TSHR: variants seen among roughly 807,000 people sequenced by gnomAD.
TSHR encodes the protein thyroid stimulating hormone receptor.
In TSHR, 51 loss-of-function variants were observed where a neutral mutation model predicts 64.1. The ratio of observed to expected loss-of-function variants is 0.80; its 90% CI spans 0.64 to 1.01. The LOEUF (loss-of-function observed/expected upper bound fraction) is 1.01. Ranked by LOEUF, TSHR falls within the 50% of genes least tolerant of loss-of-function variation. The pLI, the probability that TSHR is intolerant of heterozygous loss-of-function variation, is 0.00. For missense variants in TSHR, 877 were observed against 942.8 expected, an observed-to-expected ratio of 0.93 and a Z score of 0.91; for synonymous variants, 361 against 361.9, an observed-to-expected ratio of 1.00 and a Z score of 0.03.
At chr14:81,068,351 C>T (rs1388646675) in intron 3 of TSHR, 23 bp downstream of exon 3, 1 of 1,609,418 alleles carries the variant, frequency 6.2e-7, no homozygotes, top group South Asian at 1.1e-5. Context: ...AAAAGTGCAG[C>T]ATAGACCTAA....
At chr14:81,050,819 T>A (rs915684592) in intron 1 of TSHR, 4 of 152,246 alleles carry the variant, frequency 2.6e-5, no homozygotes, top group Admixed American at 6.5e-5. Context: ...TTCTTTGTGA[T>A]GAGAACACTT....
At position 81,143,098 on chromosome 14, in the gene TSHR, AT is replaced by A; in HGVS notation, c.1041del (p.His347GlnfsTer65). ...GAAAAGTCCAAGTTCCAGGATACTCATAACAACGCTCATTATTACGTCTTCT... is the reference window on the plus strand; with the variant it reads ...GAAAAGTCCAAGTTCCAGGATACTCAAACAACGCTCATTATTACGTCTTCT... ...YKEKSKFQDT[H>X]NNAHYYVFFE... On this transcript the variant is annotated frameshift_variant, in exon 10 of 10. Coordinates refer to ENST00000298171, the MANE Select transcript of TSHR (RefSeq NM_000369.5). LOFTEE classifies it high-confidence loss of function. 6.2e-7 allele frequency: 1 copy of A among 1,614,216 alleles called. No homozygotes were observed. The highest frequency in any genetic ancestry group is 8.5e-7 in the Non-Finnish European group (1 of 1,180,040).
rs149634104 is a variant in TSHR, at chr14:81,030,969, CACA to C, written c.171-31174_171-31172del. On this transcript the variant is annotated intron_variant, in intron 1 of 9. Transcript: ENST00000298171. ...TTTTAATGCCTTTTACATATAAAATCACAACAAGATAAGACTTTAGACCTCTCT... is the reference window on the plus strand; with the variant it reads ...TTTTAATGCCTTTTACATATAAAATCACAAGATAAGACTTTAGACCTCTCT... Among the ~76,000 whole-genome samples the C allele has an allele frequency of 1.9e-3, 294 of 152,180 alleles. 1 individual carries two copies. Among genetic ancestry groups the C allele is most frequent in the Middle Eastern group, 0.01 (3 of 294 alleles).
chr14:80,972,885 T>C (rs1435356109), intron 1 of TSHR, among the ~76,000 whole-genome samples: 1 of 152,190 alleles, frequency 6.6e-6, no homozygotes, highest in Non-Finnish European at 1.5e-5. Flanking sequence ...TGTATCTGAC[T>C]GCTTTCACTT....
chr14:81,001,433 A>G, intron 1 of TSHR: 3 of 469,614 alleles, frequency 6.4e-6, no homozygotes, highest in Non-Finnish European at 1.3e-5. Context: ...AGCAAATCTT[A>G]GGTGCTTTAT....
intron 1 of TSHR, among the ~76,000 whole-genome samples, chr14:81,045,101 C>T (rs986767268): frequency 6.6e-6 from 1 of 152,110 alleles, no homozygotes; most frequent in East Asian, 1.9e-4. Context: ...TTTGCAGGGA[C>T]ATGGATGGAG....
chr14:81,114,365 C>G (rs575130411), intron 8 of TSHR, among the ~76,000 whole-genome samples: 5 of 152,312 alleles, frequency 3.3e-5, no homozygotes, highest in Non-Finnish European at 7.4e-5. Flanking sequence ...TGCCTCACTC[C>G]AGAAGCGCAA....
At chr14:81,020,488 T>G (rs10141257) in intron 1 of TSHR, among the ~76,000 whole-genome samples, 8,557 of 152,268 alleles carry the variant, frequency 0.056, 765 homozygotes, top group African/African-American at 0.19. Flanking sequence ...TATTGTGAAC[T>G]GCACATGCGA....
chr14:81,054,729 G>A (rs540739044), intron 1 of TSHR, among the ~76,000 whole-genome samples: 14 of 152,108 alleles, frequency 9.2e-5, no homozygotes, highest in Admixed American at 3.3e-4. Context: ...GATGATTAGG[G>A]TATATATATC....
chr14:81,047,253 G>T (rs929799243), intron 1 of TSHR, among the ~76,000 whole-genome samples: 1 of 151,668 alleles, frequency 6.6e-6, no homozygotes, highest in Non-Finnish European at 1.5e-5. Context: ...GGAAGAACTC[G>T]CTTTTTGGCC....
rs1162959971 is a variant in TSHR at position 81,117,249 on chromosome 14, T to C, written c.692+8797T>C. Among the ~76,000 whole-genome samples, 22 of 119,026 alleles carry C rather than the reference T, an allele frequency of 1.8e-4. 4 individuals carry two copies. Among genetic ancestry groups the C allele is most frequent in the Admixed American group, 1.8e-3 (22 of 12,316 alleles). The allele number at this position is 119,026 out of a possible 152,430, so 78.1% of individuals were successfully genotyped here. A position where few individuals can be genotyped will look rare whatever the true frequency, so the allele number is the denominator to read the frequency against. ...AAAAATTAATGAATCCAGGAGCTGG[T>C]TTTTTGAAAGGATCAACAAAATAGA... is the stretch of plus-strand genomic sequence containing the variant. On this transcript the variant is annotated intron_variant, in intron 8 of 9. Transcript: ENST00000298171.
intron 3 of TSHR, among the ~76,000 whole-genome samples, chr14:81,073,015 A>AAAAT (rs1887215775): frequency 1.1e-5 from 1 of 92,056 alleles, no homozygotes; most frequent in Non-Finnish European, 2.1e-5. Flanking sequence ...AAAAAAATAA[A>AAAAT]AAATAAATAT....
chr14:81,011,493 G>A (rs1594949249), intron 1 of TSHR, among the ~76,000 whole-genome samples: 1 of 151,858 alleles, frequency 6.6e-6, no homozygotes, highest in South Asian at 2.1e-4. Flanking sequence ...TTTCAAATTT[G>A]TACAGTATTT....
Position 81,017,915 on chromosome 14 carries a change from C to T in TSHR, c.171-44233C>T, listed in dbSNP as rs1159255399. Among the ~76,000 whole-genome samples, 6 of 151,342 alleles carry T rather than the reference C, an allele frequency of 4.0e-5. 1 individual carries two copies. The highest frequency in any genetic ancestry group is 1.9e-4 in the East Asian group (1 of 5,150). On this transcript the variant is annotated intron_variant, in intron 1 of 9. Transcript: ENST00000298171. ...CATGATCTCGGCTCATTGCAAGCTC[C>T]GCCTCCTGGGTTAAAGTGATTCTCC...
At chr14:81,068,635 GTAAC>G (rs1886835983) in intron 3 of TSHR, among the ~76,000 whole-genome samples, 1 of 152,174 alleles carries the variant, frequency 6.6e-6, no homozygotes, top group South Asian at 2.1e-4. Flanking sequence ...TATTTACTGA[GTAAC>G]TACTTGATTC....
intron 8 of TSHR, among the ~76,000 whole-genome samples, chr14:81,133,583 G>A (rs969647668): frequency 6.6e-6 from 1 of 152,208 alleles, no homozygotes; most frequent in African/African-American, 2.4e-5. Flanking sequence ...AAGAGGTTGA[G>A]AAATCCTAAA....
intron 7 of TSHR, 75 bp from the exon 8 acceptor site, chr14:81,108,300 A>C: frequency 1.7e-6 from 2 of 1,176,586 alleles, no homozygotes; most frequent in Non-Finnish European, 2.5e-6. Flanking sequence ...TTATTCTGAT[A>C]TTTGTACTAA....
At chr14:81,029,759 C>A (rs1431320120) in intron 1 of TSHR, among the ~76,000 whole-genome samples, 4 of 152,082 alleles carry the variant, frequency 2.6e-5, no homozygotes, top group Non-Finnish European at 4.4e-5. Flanking sequence ...GAAATAATAA[C>A]TTGGCCTTTC....
At chr14:81,133,863 GATA>G (rs1891347332) in intron 8 of TSHR, among the ~76,000 whole-genome samples, 1 of 152,084 alleles carries the variant, frequency 6.6e-6, no homozygotes, top group Non-Finnish European at 1.5e-5. Context: ...AAGGACCTGA[GATA>G]AATCTGAGAA....
Sources: allele counts gnomAD v4.1 joint callset (sites outside exome capture counted in the v4.1 genomes callset), GRCh38; gene constraint gnomAD v4.1.1; transcripts MANE v1.5; gene names NCBI Gene and HGNC (gene_info 2026-07-23, HGNC 2026-07-21).